Variants in CLASP2 observed in about 807,000 individuals in gnomAD.
The protein encoded by CLASP2 is cytoplasmic linker associated protein 2, also known as CLIP-associating protein 2.
In CLASP2, 47 loss-of-function variants were observed where a neutral mutation model predicts 194.4. The observed-to-expected ratio is 0.24, with a 90% CI of 0.19 to 0.31. CLASP2 has a LOEUF of 0.31. Among genes scored for constraint, CLASP2 ranks in the 10% least tolerant of loss-of-function variants. The pLI, the probability that CLASP2 is intolerant of heterozygous loss-of-function variation, is 1.00. For missense variants in CLASP2, 1,445 were observed against 1,823.6 expected (o/e 0.79, Z 3.78); for synonymous variants, 619 against 633.5 (o/e 0.98, Z 0.34).
chr3:33,510,795 T>A, intron 36 of CLASP2, 31 bp from the exon 37 acceptor site: 1 of 1,543,976 alleles, frequency 6.5e-7, no homozygotes, highest in Non-Finnish European at 8.8e-7. Flanking sequence ...AGCCAGAAAG[T>A]AATTTTTAAA....
intron 18 of CLASP2, chr3:33,602,656 A>C: frequency 2.8e-6 from 2 of 712,356 alleles, no homozygotes; most frequent in Non-Finnish European, 5.1e-6. Flanking sequence ...TTCCCTTCCC[A>C]AACCCCCTTA....
chr3:33,692,381 G>C (rs554403285), intron 2 of CLASP2, among the ~76,000 whole-genome samples: 2 of 151,864 alleles, frequency 1.3e-5, no homozygotes, highest in African/African-American at 4.8e-5. Flanking sequence ...CCCAAACAGG[G>C]GCTCACTTTA....
chr3:33,597,117 T>C (rs1462722385), intron 18 of CLASP2, among the ~76,000 whole-genome samples: 1 of 152,106 alleles, frequency 6.6e-6, no homozygotes, highest in Non-Finnish European at 1.5e-5. Context: ...TACCCCCAAA[T>C]TCCACACTTA....
At chr3:33,645,616 C>A (rs951987083) in intron 7 of CLASP2, 2 of 303,426 alleles carry the variant, frequency 6.6e-6, no homozygotes, top group African/African-American at 4.3e-5. Flanking sequence ...ATCAAAATTT[C>A]AAAGGCATTC....
At chr3:33,511,387 G>A (rs148863228) in intron 36 of CLASP2, among the ~76,000 whole-genome samples, 1 of 152,116 alleles carries the variant, frequency 6.6e-6, no homozygotes, top group East Asian at 1.9e-4. Context: ...GTTAGTGTGA[G>A]GAGGCTCTAT....
At chr3:33,611,008 A>T (rs2075067483) in intron 13 of CLASP2, among the ~76,000 whole-genome samples, 1 of 152,220 alleles carries the variant, frequency 6.6e-6, no homozygotes, top group East Asian at 1.9e-4. Context: ...AGTGGTGTGA[A>T]GTTGTCAGAA....
At chr3:33,700,027 A>C (rs2092261572) in intron 1 of CLASP2, among the ~76,000 whole-genome samples, 1 of 152,202 alleles carries the variant, frequency 6.6e-6, no homozygotes, top group Non-Finnish European at 1.5e-5. Context: ...CCTGTATCAC[A>C]AGAAATGTTA....
chr3:33,652,862 T>C (rs2154321743), intron 7 of CLASP2, among the ~76,000 whole-genome samples: 1 of 152,336 alleles, frequency 6.6e-6, no homozygotes, highest in South Asian at 2.1e-4. Context: ...AGTTTTCCTT[T>C]GACCCACAGA....
At chr3:33,528,115 C>T (rs1039900081) in intron 34 of CLASP2, among the ~76,000 whole-genome samples, 1 of 152,160 alleles carries the variant, frequency 6.6e-6, no homozygotes, top group African/African-American at 2.4e-5. Context: ...GGCCTCATCC[C>T]TAGATGCAAC....
In CLASP2 at chr3:33,650,627, T is replaced by A. The variant is rs548312396; in HGVS notation, c.716-5724A>T. ...GAAATGAAGTAGGAATAGATGGAAA[T>A]GGAGGAGGCAGGAGAGGGAGAAGAG... On this transcript the variant is annotated intron_variant, in intron 7 of 38. Coordinates refer to ENST00000682230, the MANE Select transcript of CLASP2 (RefSeq NM_001365631.1). Among the ~76,000 whole-genome samples, 27 of 150,134 alleles carry A rather than the reference T, an allele frequency of 1.8e-4. No individual in the cohort carries two copies. In the South Asian group the frequency reaches 5.5e-3, roughly 31 times the overall value.
intron 1 of CLASP2, among the ~76,000 whole-genome samples, chr3:33,707,146 T>C (rs2092724776): frequency 6.6e-6 from 1 of 152,154 alleles, no homozygotes; most frequent in African/African-American, 2.4e-5. Flanking sequence ...ATTCCCCAGT[T>C]GGAGCAGGAA....
At chr3:33,678,761 A>C (rs1014493330) in intron 6 of CLASP2, among the ~76,000 whole-genome samples, 3 of 152,220 alleles carry the variant, frequency 2.0e-5, no homozygotes, top group African/African-American at 4.8e-5. Context: ...TGATGCAAGA[A>C]ACCAAAAAAT....
At chr3:33,527,802 A>C (rs913710370) in intron 34 of CLASP2, among the ~76,000 whole-genome samples, 2 of 152,118 alleles carry the variant, frequency 1.3e-5, no homozygotes, top group African/African-American at 4.8e-5. Flanking sequence ...TCTTTACTAA[A>C]AATACAAAAA....
At chr3:33,577,891 T>C (rs1045389697) in intron 23 of CLASP2, among the ~76,000 whole-genome samples, 6 of 152,196 alleles carry the variant, frequency 3.9e-5, no homozygotes, top group African/African-American at 1.2e-4. Context: ...TGGGTCCTCA[T>C]CAGACACCAA....
At position 33,641,825 on chromosome 3, in the gene CLASP2, G is replaced by A. The variant is rs558616041; in HGVS notation, c.862+2932C>T. The stretch of plus-strand genomic sequence containing the variant: ...AACCCAGTGGCTGTGTCTGGCTTAC[G>A]CCACTATTATACATTTCCACCTACT... On this transcript the variant is annotated intron_variant, in intron 8 of 38. Coordinates refer to ENST00000682230, the MANE Select transcript of CLASP2 (RefSeq NM_001365631.1). 3.2e-4 allele frequency among the ~76,000 whole-genome samples: 49 copies of A among 151,118 alleles called. No individual in the cohort carries two copies. The South Asian group carries it at 7.3e-3, about 22-fold the overall frequency.
chr3:33,597,052 G>C (rs943717650), intron 18 of CLASP2, among the ~76,000 whole-genome samples: 2 of 152,174 alleles, frequency 1.3e-5, no homozygotes, highest in Non-Finnish European at 2.9e-5. Flanking sequence ...TCTAGTCTGT[G>C]AGTTTTTCCC....
Position 33,535,434 on chromosome 3 carries a change from G to C in CLASP2, c.3586C>G (p.Pro1196Ala). Reference protein sequence around the residue: ...SMCGGPGMSDPRAGGDATDSS... With the variant: ...SMCGGPGMSDARAGGDATDSS... ...TCAGTAGCATCACCTCCTGCTCTTG[G>C]GTCAGACATCCCAGGACCACCACAC... The change falls in exon 34 of 39, where the codon CCA (proline) becomes GCA (alanine). Residue 1196 changes from proline (P) to alanine (A), a missense_variant. Around this residue, in one of 4 missense-constraint regions of CLASP2, gnomAD observed 732 missense variants for 987.9 expected, o/e 0.74. Coordinates refer to ENST00000682230, the MANE Select transcript of CLASP2 (RefSeq NM_001365631.1). 6.2e-7 allele frequency: 1 copy of C among 1,613,784 alleles called. No individual in the cohort carries two copies.
At chr3:33,712,638 AAT>A (rs2093070722) in intron 1 of CLASP2, among the ~76,000 whole-genome samples, 1 of 152,108 alleles carries the variant, frequency 6.6e-6, no homozygotes, top group Non-Finnish European at 1.5e-5. Context: ...AGAGTTCCGG[AAT>A]ATCATAATCA....
At chr3:33,558,334 CAT>C (rs1384402127) in intron 29 of CLASP2, 2 of 152,150 alleles carry the variant, frequency 1.3e-5, no homozygotes, top group Non-Finnish European at 2.9e-5. Flanking sequence ...TGATAAGAAA[CAT>C]AATTGTGATT....
Sources: gnomAD v4.1 joint callset for allele counts (sites outside exome capture counted in the v4.1 genomes callset) on GRCh38, gnomAD v4.1.1 for gene constraint, gnomAD v4.1.1 regional missense constraint, MANE v1.5 for transcripts, NCBI Gene and HGNC (gene_info 2026-07-23, HGNC 2026-07-21) for gene names.